RBM20: variants seen among roughly 807,000 people sequenced by gnomAD.
RBM20 encodes the protein RNA binding motif protein 20, also known as RNA-binding protein 20.
RBM20 carries 51 observed loss-of-function variants against 110.1 expected under a neutral mutation model. The observed-to-expected ratio is 0.46, with a 90% CI of 0.37 to 0.59. The LOEUF (loss-of-function observed/expected upper bound fraction) is 0.59. Ranked by LOEUF, RBM20 falls within the 20% of genes least tolerant of loss-of-function variation. RBM20 has a pLI of 0.00. For missense variants in RBM20, 1,512 were observed against 1,574.9 expected, an observed-to-expected ratio of 0.96 and a Z score of 0.68; for synonymous variants, 589 against 618.2, an observed-to-expected ratio of 0.95 and a Z score of 0.70.
chr10:110,751,280 C>A (rs894027143), intron 1 of RBM20, among the ~76,000 whole-genome samples: 57 of 152,310 alleles, frequency 3.7e-4, no homozygotes, highest in African/African-American at 1.3e-3. Flanking sequence ...AAGGGCCCCT[C>A]TTTACCACAG....
At chr10:110,791,508 A>G (rs1844483372) in intron 5 of RBM20, among the ~76,000 whole-genome samples, 1 of 151,908 alleles carries the variant, frequency 6.6e-6, no homozygotes, top group Non-Finnish European at 1.5e-5. Flanking sequence ...TCTTATTTGA[A>G]CTCATCTGTG....
intron 1 of RBM20, among the ~76,000 whole-genome samples, chr10:110,722,751 A>T (rs1460251059): frequency 6.6e-6 from 1 of 152,108 alleles, no homozygotes; most frequent in Non-Finnish European, 1.5e-5. Flanking sequence ...TGATGATACT[A>T]ATTACATCTC....
chr10:110,780,592 C>T (rs927014228), intron 1 of RBM20, among the ~76,000 whole-genome samples: 2 of 147,688 alleles, frequency 1.4e-5, no homozygotes, highest in African/African-American at 2.5e-5. Flanking sequence ...TGAGATTGAA[C>T]GTTCTGTCAT....
At chr10:110,802,215 A>G (rs746146599) in intron 7 of RBM20, among the ~76,000 whole-genome samples, 2 of 152,212 alleles carry the variant, frequency 1.3e-5, no homozygotes, top group Non-Finnish European at 2.9e-5. Flanking sequence ...GGTTGAAGTT[A>G]GAAGACAAAG....
intron 1 of RBM20, among the ~76,000 whole-genome samples, chr10:110,728,568 G>C (rs1012539055): frequency 6.6e-6 from 1 of 152,126 alleles, no homozygotes; most frequent in Non-Finnish European, 1.5e-5. Flanking sequence ...TCCTTTCTCT[G>C]TAATTATGTC....
upstream of RBM20, among the ~76,000 whole-genome samples, chr10:110,643,576 A>T (rs1213865879): frequency 6.6e-6 from 1 of 152,200 alleles, no homozygotes; most frequent in Non-Finnish European, 1.5e-5. Flanking sequence ...CCAATAAATA[A>T]CAAGAATAAA....
chr10:110,785,844 C>G (rs1049812581), intron 5 of RBM20, among the ~76,000 whole-genome samples: 3 of 151,798 alleles, frequency 2.0e-5, no homozygotes, highest in African/African-American at 7.3e-5. Context: ...TTTTTTAAGA[C>G]TATTTAATGT....
At chr10:110,723,747 C>A (rs1383920550) in intron 1 of RBM20, among the ~76,000 whole-genome samples, 2 of 152,168 alleles carry the variant, frequency 1.3e-5, no homozygotes, top group East Asian at 3.8e-4. Context: ...CTATTCAAAT[C>A]CTTTGCCTAT....
At chr10:110,813,106 A>G (rs1054253225) in intron 9 of RBM20, among the ~76,000 whole-genome samples, 159 bp downstream of exon 9, 5 of 152,230 alleles carry the variant, frequency 3.3e-5, no homozygotes, top group African/African-American at 1.2e-4. Context: ...CAATGAACTC[A>G]TTTAATCCTC....
intron 1 of RBM20, among the ~76,000 whole-genome samples, chr10:110,779,699 GCTGGTGTCCA>G (rs1467289760): frequency 1.3e-5 from 2 of 152,200 alleles, no homozygotes; most frequent in Non-Finnish European, 2.9e-5. Flanking sequence ...CAGACACCCA[GCTGGTGTCCA>G]CTGCAGAACT....
At chr10:110,800,026 A>C in intron 7 of RBM20, 108 bp downstream of exon 7, 1 of 1,070,284 alleles carries the variant, frequency 9.3e-7, no homozygotes, top group Non-Finnish European at 1.4e-6. Flanking sequence ...ATAGGAAAAG[A>C]TTCAGAAATT....
chr10:110,818,446 G>C (rs780117624), intron 9 of RBM20, among the ~76,000 whole-genome samples: 2 of 150,092 alleles, frequency 1.3e-5, no homozygotes, highest in Non-Finnish European at 3.0e-5. Flanking sequence ...TCGGTAGCCC[G>C]GGCCCTGTGG....
At chr10:110,734,799 C>A (rs115105227) in intron 1 of RBM20, among the ~76,000 whole-genome samples, 59,245 of 151,672 alleles carry the variant, frequency 0.39, 11,877 homozygotes, top group Middle Eastern at 0.43. Flanking sequence ...CCCACTCATG[C>A]CCCCTGAATC....
chr10:110,820,040 G>A, intron 9 of RBM20, 32 bp from the exon 10 acceptor site: 1 of 1,415,326 alleles, frequency 7.1e-7, no homozygotes, highest in Non-Finnish European at 9.6e-7. Flanking sequence ...GCTCACTGTT[G>A]ATTTGGTTTG....
At chr10:110,667,043 C>G (rs1424829949) in intron 1 of RBM20, among the ~76,000 whole-genome samples, 1 of 152,196 alleles carries the variant, frequency 6.6e-6, no homozygotes, top group African/African-American at 2.4e-5. Flanking sequence ...GGTTAGGTAG[C>G]ACAGCCTGTT....
intron 1 of RBM20, among the ~76,000 whole-genome samples, chr10:110,660,029 T>G (rs7911546): frequency 0.99 from 150,139 of 151,940 alleles, 74,208 homozygotes; most frequent in East Asian, 1. Flanking sequence ...TGTTGCTCAG[T>G]CTGGTCTCAA....
chr10:110,779,407 C>T (rs997350873), intron 1 of RBM20, among the ~76,000 whole-genome samples: 2 of 152,228 alleles, frequency 1.3e-5, no homozygotes, highest in Admixed American at 6.5e-5. Context: ...TGTACCCCTT[C>T]CCAAACACTT....
At chr10:110,691,713 C>G (rs1015188709) in intron 1 of RBM20, among the ~76,000 whole-genome samples, 2 of 152,162 alleles carry the variant, frequency 1.3e-5, no homozygotes, top group Admixed American at 1.3e-4. Flanking sequence ...TTTTCTTCCA[C>G]TCTGTGTGTT....
chr10:110,738,933 T>C (rs998664066), intron 1 of RBM20, among the ~76,000 whole-genome samples: 1 of 152,140 alleles, frequency 6.6e-6, no homozygotes, highest in Non-Finnish European at 1.5e-5. Context: ...TCCTTGCAGA[T>C]TCGTATCACA....
Sources: allele counts gnomAD v4.1 joint callset (sites outside exome capture counted in the v4.1 genomes callset), GRCh38; gene constraint gnomAD v4.1.1; transcripts MANE v1.5; gene names NCBI Gene and HGNC (gene_info 2026-07-23, HGNC 2026-07-21).